Variants in UBA52 observed in about 807,000 individuals in gnomAD.
UBA52 encodes the protein ubiquitin A-52 residue ribosomal protein fusion product 1.
UBA52 carries 1 observed loss-of-function variant against 15.3 expected under a neutral mutation model. The ratio of observed to expected loss-of-function variants is 0.07; its 90% CI spans 0.02 to 0.31. UBA52 has a LOEUF of 0.31. Among genes scored for constraint, UBA52 ranks in the 10% least tolerant of loss-of-function variants. The probability of loss-of-function intolerance (pLI) is 1.00; values close to 1 mark genes in which losing one functional copy is unlikely to be tolerated. For missense variants in UBA52, 87 were observed against 168.0 expected, an observed-to-expected ratio of 0.52 and a Z score of 2.66; for synonymous variants, 50 against 58.3, an observed-to-expected ratio of 0.86 and a Z score of 0.65.
rs1975806180 is a variant in UBA52, at chr19:18,576,869, T to C, written c.*1719T>C. ...TTTTAGTAGAGACAGGGTTTTGCTATGTTGGCCAGGCTGGTCTTGAACTAC... is the reference window on the plus strand; with the variant it reads ...TTTTAGTAGAGACAGGGTTTTGCTACGTTGGCCAGGCTGGTCTTGAACTAC... On this transcript the variant is annotated 3_prime_UTR_variant, in exon 5 of 5. Transcript: ENST00000442744. The C allele has an allele frequency of 6.6e-6, 1 of 152,026 alleles. No homozygotes were observed. The allele number at this position is 152,026 out of a possible 1,614,324, so 9.4% of individuals were successfully genotyped here.
rs760355792 is a variant in UBA52 at position 18,573,706 on chromosome 19, C to G, written c.148C>G (p.Leu50Val). 1.4e-5 allele frequency: 22 copies of G among 1,614,170 alleles called. No individual in the cohort carries two copies. The highest frequency in any genetic ancestry group is 1.9e-5 in the Non-Finnish European group (22 of 1,180,036). Residue 50 changes from leucine to valine, a missense_variant, in exon 3 of 5, where the codon CTG (leucine) becomes GTG (valine). Coordinates refer to ENST00000442744, the MANE Select transcript of UBA52 (RefSeq NM_001033930.3). ...GCGTCTGATATTTGCCGGCAAACAG[C>G]TGGAGGATGGCCGCACTCTCTCAGA... ...QQRLIFAGKQ[L>V]EDGRTLSDYN...
At chr19:18,565,393 A>G in the UBA52 span, among the ~76,000 whole-genome samples, 1 of 151,228 alleles carries the variant, frequency 6.6e-6, no homozygotes, top group Non-Finnish European at 1.5e-5. Context: ...CCACGCCTGG[A>G]GAATTTTTTG....
chr19:18,574,466 A>AT (rs1975679937), intron 3 of UBA52, among the ~76,000 whole-genome samples: 1 of 151,562 alleles, frequency 6.6e-6, no homozygotes, highest in Non-Finnish European at 1.5e-5. Flanking sequence ...TTTTTTTTGT[A>AT]TTTTTAGTAG....
chr19:18,573,161 G>A, intron 1 of UBA52, 132 bp from the exon 2 acceptor site: 1 of 1,102,462 alleles, frequency 9.1e-7, no homozygotes, highest in South Asian at 1.5e-5. Flanking sequence ...GTGAAAGGAA[G>A]ACAGGTACTG....
At position 18,575,855 on chromosome 19, in the gene UBA52, T is replaced by A. The variant is rs1975760916; in HGVS notation, c.*705T>A. 6.6e-6 allele frequency: 1 copy of A among 152,534 alleles called. No homozygotes were observed. The allele number at this position is 152,534 out of a possible 1,614,324, so 9.4% of individuals were successfully genotyped here. On this transcript the variant is annotated 3_prime_UTR_variant, in exon 5 of 5. Coordinates refer to ENST00000442744, the MANE Select transcript of UBA52 (RefSeq NM_001033930.3). ...TCTGCCTCCGGGGTTCACATCCTTC[T>A]CCTGCCTCAGCCTCCCGAGTAGCTG...
chr19:18,574,768 C>T (rs1457013497), intron 3 of UBA52, 102 bp from the exon 4 acceptor site: 3 of 1,432,350 alleles, frequency 2.1e-6, no homozygotes, highest in Non-Finnish European at 1.9e-6. Context: ...GTCCCCATCA[C>T]ACTTGAGAAA....
chr19:18,573,715 G>A lies in UBA52; in HGVS notation c.157G>A (p.Gly53Ser), dbSNP rs1268822708. 6.2e-7 allele frequency: 1 copy of A among 1,614,168 alleles called. No homozygotes were observed. The highest frequency in any genetic ancestry group is 1.7e-5 in the Admixed American group (1 of 60,014). The change falls in exon 3 of 5, where the codon GGC becomes AGC. Residue 53 changes from glycine (G) to serine (S), a missense_variant. Gly to Ser is a moderately conservative substitution (Grantham distance 56). Coordinates refer to ENST00000442744, the MANE Select transcript of UBA52 (RefSeq NM_001033930.3). The part of the protein sequence containing the change: ...LIFAGKQLED[G>S]RTLSDYNIQK... ...ATTTGCCGGCAAACAGCTGGAGGAT[G>A]GCCGCACTCTCTCAGACTACAACAT...
At chr19:18,564,976 T>C in the UBA52 span, 2 of 1,611,238 alleles carry the variant, frequency 1.2e-6, no homozygotes, top group Non-Finnish European at 1.7e-6. Flanking sequence ...ACGAGGACCC[T>C]AGTAGAGATG....
At chr19:18,567,234 C>A (rs1191793831), upstream of UBA52, 1 of 1,583,176 alleles carries the variant, frequency 6.3e-7, no homozygotes, top group Non-Finnish European at 8.7e-7. Context: ...CCACCCAGGG[C>A]AGGCTTCTGG....
chr19:18,574,375 G>A (rs1178649435), intron 3 of UBA52, among the ~76,000 whole-genome samples: 3 of 151,590 alleles, frequency 2.0e-5, no homozygotes, highest in East Asian at 3.9e-4. Flanking sequence ...TGTGACCTCC[G>A]TCTCCCGGGT....
upstream of UBA52, chr19:18,568,726 G>A: frequency 1.1e-6 from 1 of 935,606 alleles, no homozygotes; most frequent in Non-Finnish European, 1.6e-6. Context: ...GGGCTCCTTT[G>A]CTGCCCCGTT....
chr19:18,575,140 A>G lies in UBA52; in HGVS notation c.377A>G (p.Lys126Arg). The change falls in exon 5 of 5, where the codon AAG becomes AGG. Residue 126 changes from lysine (K) to arginine (R), a missense_variant. By Grantham distance (26) the Lys-to-Arg change is conservative. Coordinates refer to ENST00000442744, the MANE Select transcript of UBA52 (RefSeq NM_001033930.3). ...GHTNNLRPKK[K>R]VK Reference sequence around the variant, plus strand: ...ACCAACAACCTGCGTCCCAAGAAGAAGGTCAAATAAGGTGGTTCTTTCCTT... The same window carrying G: ...ACCAACAACCTGCGTCCCAAGAAGAGGGTCAAATAAGGTGGTTCTTTCCTT... 6.2e-7 allele frequency: 1 copy of G among 1,614,176 alleles called. No homozygotes were observed. Among genetic ancestry groups the G allele is most frequent in the Non-Finnish European group, 8.5e-7 (1 of 1,180,026 alleles).
chr19:18,568,415 A>T (rs1462825052), upstream of UBA52: 1 of 1,613,714 alleles, frequency 6.2e-7, no homozygotes, highest in Non-Finnish European at 8.5e-7. Flanking sequence ...TCCCAGAGGC[A>T]TCCTTCCTGG....
chr19:18,567,678 T>C (rs1049384043), upstream of UBA52, among the ~76,000 whole-genome samples: 33 of 152,184 alleles, frequency 2.2e-4, no homozygotes, highest in African/African-American at 8.0e-4. Context: ...GCGTGTTCTC[T>C]GGGGTACCAT....
At chr19:18,573,114 G>T in intron 1 of UBA52, 179 bp from the exon 2 acceptor site, 1 of 1,178,698 alleles carries the variant, frequency 8.5e-7, no homozygotes. Flanking sequence ...TACAGGCCAG[G>T]GTGTGTGAGA....
chr19:18,565,836 T>A, the UBA52 span, among the ~76,000 whole-genome samples: 19 of 152,140 alleles, frequency 1.2e-4, no homozygotes, highest in Non-Finnish European at 2.5e-4. Context: ...TACAGGCGCA[T>A]GCTGCCACGC....
At position 18,575,150 on chromosome 19, in the gene UBA52, AGGT is replaced by A; in HGVS notation, c.*4_*6del. The A allele has an allele frequency of 6.2e-7, 1 of 1,614,102 alleles. No individual in the cohort carries two copies. The highest frequency in any genetic ancestry group is 8.5e-7 in the Non-Finnish European group (1 of 1,180,000). On this transcript the variant is annotated 3_prime_UTR_variant, in exon 5 of 5. Coordinates refer to ENST00000442744, the MANE Select transcript of UBA52 (RefSeq NM_001033930.3). ...TGCGTCCCAAGAAGAAGGTCAAATA[AGGT>A]GGTTCTTTCCTTGAAGGGCAGCCTC...
At chr19:18,568,737 C>A, upstream of UBA52, 1 of 829,190 alleles carries the variant, frequency 1.2e-6, no homozygotes, top group Non-Finnish European at 1.9e-6. Context: ...CTGCCCCGTT[C>A]TGTCACCCAG....
At position 18,574,949 on chromosome 19, in the gene UBA52, C is replaced by T. The variant is rs142625655; in HGVS notation, c.270C>T (p.Asn90=). 197 of 1,614,084 alleles carry T rather than the reference C, an allele frequency of 1.2e-4. No individual in the cohort carries two copies. Among genetic ancestry groups the T allele is most frequent in the Non-Finnish European group, 1.6e-4 (188 of 1,180,040 alleles). ...TCCGCCAGCTTGCCCAGAAATACAA[C>T]TGCGACAAGATGATCTGCCGCAAGT... ...PSLRQLAQKY[N]CDKMICRKCY... Residue 90 remains asparagine (N), a synonymous_variant, in exon 4 of 5, where the codon AAC becomes AAT. Transcript: ENST00000442744.
Sources: gnomAD v4.1 joint callset for allele counts (sites outside exome capture counted in the v4.1 genomes callset) on GRCh38, gnomAD v4.1.1 for gene constraint, MANE v1.5 for transcripts, NCBI Gene and HGNC (gene_info 2026-07-23, HGNC 2026-07-21) for gene names.